The following RSU1 variants were observed in gnomAD, a reference collection of about 807,000 sequenced individuals.
The protein encoded by RSU1 is Ras suppressor protein 1.
In RSU1, 26 loss-of-function variants were observed where a neutral mutation model predicts 31.1. That is an observed-to-expected ratio of 0.84 (90% confidence interval 0.61 to 1.16). The LOEUF is 1.16. RSU1 is among the 50% of genes most tolerant of loss of function. The pLI, the probability that RSU1 is intolerant of heterozygous loss-of-function variation, is 0.00. For missense variants in RSU1, 320 were observed against 339.1 expected (o/e 0.94, Z 0.44); for synonymous variants, 164 against 136.3 (o/e 1.20, Z -1.41).
intron 4 of RSU1, among the ~76,000 whole-genome samples, chr10:16,756,900 G>A (rs1039921496): frequency 1.4e-4 from 21 of 150,234 alleles, no homozygotes; most frequent in African/African-American, 4.9e-4. Flanking sequence ...TGTGAGGGGT[G>A]GGGTGTGGTG....
In RSU1 at chr10:16,688,228, A is replaced by G. The variant is rs111979853; in HGVS notation, c.731+6795T>C. Reference sequence around the variant, plus strand: ...TAGCAATACTGGTTAAATGCAACATATTTTCTTGCAAATAGGTCCACAGAT... The same window carrying G: ...TAGCAATACTGGTTAAATGCAACATGTTTTCTTGCAAATAGGTCCACAGAT... On this transcript the variant is annotated intron_variant, in intron 8 of 8. Transcript: ENST00000345264. Among the ~76,000 whole-genome samples the G allele has an allele frequency of 9.2e-3, 1,404 of 152,270 alleles. 18 individuals are homozygous for G. Among genetic ancestry groups the G allele is most frequent in the African/African-American group, 0.031 (1,276 of 41,538 alleles).
At chr10:16,632,825 G>C (rs1834277008) in intron 8 of RSU1, among the ~76,000 whole-genome samples, 1 of 151,890 alleles carries the variant, frequency 6.6e-6, no homozygotes, top group Non-Finnish European at 1.5e-5. Context: ...ATCTGTACAC[G>C]TCCTACCTCC....
intron 8 of RSU1, among the ~76,000 whole-genome samples, chr10:16,674,489 TA>T (rs977798630): frequency 6.7e-6 from 1 of 150,034 alleles, no homozygotes; most frequent in African/African-American, 2.5e-5. Flanking sequence ...TCTCATCGAA[TA>T]TTCAGAGAGT....
At chr10:16,747,015 C>A in intron 7 of RSU1, among the ~76,000 whole-genome samples, 1 of 152,124 alleles carries the variant, frequency 6.6e-6, no homozygotes, top group East Asian at 1.9e-4. Context: ...CCCCAACCCC[C>A]ATCTGTCTCA....
At chr10:16,717,159 T>C (rs1245439145) in intron 7 of RSU1, among the ~76,000 whole-genome samples, 1 of 152,182 alleles carries the variant, frequency 6.6e-6, no homozygotes. Context: ...TTAAGTTATA[T>C]GTAAAAATGG....
chr10:16,725,991 AACAT>A (rs772653307), intron 7 of RSU1, among the ~76,000 whole-genome samples: 26 of 151,742 alleles, frequency 1.7e-4, no homozygotes, highest in South Asian at 4.2e-4. Context: ...ATATGTATAA[AACAT>A]ACATAGAATG....
At chr10:16,790,686 G>C (rs1202233462) in intron 2 of RSU1, among the ~76,000 whole-genome samples, 1 of 152,106 alleles carries the variant, frequency 6.6e-6, no homozygotes. Flanking sequence ...TTTGTGTTGA[G>C]GGAGGGACCT....
chr10:16,790,536 T>C (rs1269082539), intron 2 of RSU1, among the ~76,000 whole-genome samples: 55 of 151,892 alleles, frequency 3.6e-4, no homozygotes, highest in Non-Finnish European at 2.1e-4. Flanking sequence ...GAGTACACCA[T>C]GCACCCAGGG....
intron 8 of RSU1, among the ~76,000 whole-genome samples, chr10:16,607,636 G>C (rs1833826292): frequency 6.6e-6 from 1 of 152,228 alleles, no homozygotes; most frequent in African/African-American, 2.4e-5. Flanking sequence ...CTGTTGGAAT[G>C]TGCCAGACCT....
intron 7 of RSU1, among the ~76,000 whole-genome samples, chr10:16,747,906 C>T (rs534531082): frequency 9.9e-5 from 15 of 152,184 alleles, no homozygotes; most frequent in African/African-American, 2.9e-4. Context: ...CAGTGGTGCA[C>T]GCCTGTAGTC....
At chr10:16,689,847 G>C (rs1264939270) in intron 8 of RSU1, among the ~76,000 whole-genome samples, 1 of 152,238 alleles carries the variant, frequency 6.6e-6, no homozygotes, top group East Asian at 1.9e-4. Flanking sequence ...TGACGAGGAA[G>C]CATCCTGTGA....
intron 8 of RSU1, among the ~76,000 whole-genome samples, chr10:16,665,200 C>T (rs1279664327): frequency 6.6e-6 from 1 of 152,176 alleles, no homozygotes; most frequent in Non-Finnish European, 1.5e-5. Context: ...CTGCCTCAGC[C>T]TCCCAAAGTG....
chr10:16,661,268 G>A (rs142259667), intron 8 of RSU1, among the ~76,000 whole-genome samples: 1 of 148,962 alleles, frequency 6.7e-6, no homozygotes, highest in African/African-American at 2.5e-5. Context: ...GAGAGTGTAT[G>A]TGTGATATGT....
intron 7 of RSU1, among the ~76,000 whole-genome samples, chr10:16,735,994 C>T (rs573583555): frequency 4.6e-5 from 7 of 152,248 alleles, no homozygotes; most frequent in Non-Finnish European, 2.9e-5. Context: ...CTCTGAGAAG[C>T]ATTTCCAGAC....
chr10:16,695,910 T>G (rs751760101), intron 7 of RSU1, among the ~76,000 whole-genome samples: 6 of 152,140 alleles, frequency 3.9e-5, no homozygotes, highest in Non-Finnish European at 8.8e-5. Context: ...CATATCAATT[T>G]AGATAAGGTT....
intron 3 of RSU1, among the ~76,000 whole-genome samples, chr10:16,774,305 G>C (rs1451910667): frequency 6.6e-6 from 1 of 152,096 alleles, no homozygotes; most frequent in Admixed American, 6.5e-5. Context: ...AATCTCCAAG[G>C]AGCATCTCCT....
intron 8 of RSU1, among the ~76,000 whole-genome samples, chr10:16,597,879 G>C (rs1251009556): frequency 6.6e-6 from 1 of 152,318 alleles, no homozygotes; most frequent in Non-Finnish European, 1.5e-5. Context: ...TCCGCCGCAC[G>C]ATCCTTTAAC....
At chr10:16,659,301 C>CTTTTTTTTTTTT (rs869035739) in intron 8 of RSU1, among the ~76,000 whole-genome samples, 7 of 100,780 alleles carry the variant, frequency 6.9e-5, no homozygotes, top group Non-Finnish European at 1.3e-4. Context: ...AGGTTATATT[C>CTTTTTTTTTTTT]TTTTTTTTTT....
intron 8 of RSU1, among the ~76,000 whole-genome samples, chr10:16,616,239 AG>A (rs1287546663): frequency 1.3e-5 from 2 of 152,058 alleles, no homozygotes; most frequent in Non-Finnish European, 2.9e-5. Context: ...TACTAAAACT[AG>A]AAAATCTAGA....
Sources: gnomAD v4.1 joint callset for allele counts (sites outside exome capture counted in the v4.1 genomes callset) on GRCh38, gnomAD v4.1.1 for gene constraint, MANE v1.5 for transcripts, NCBI Gene and HGNC (gene_info 2026-07-23, HGNC 2026-07-21) for gene names.